The following ETHE1 variants were observed in gnomAD, a reference collection of about 807,000 sequenced individuals.
The protein encoded by ETHE1 is ETHE1 persulfide dioxygenase, also known as persulfide dioxygenase ETHE1, mitochondrial.
In ETHE1, 16 loss-of-function variants were observed where a neutral mutation model predicts 25.7. The ratio of observed to expected loss-of-function variants is 0.62; its 90% confidence interval spans 0.42 to 0.95. ETHE1 has a LOEUF of 0.95. Ranked by LOEUF, ETHE1 falls within the 40% of genes least tolerant of loss-of-function variation. The pLI, the probability that ETHE1 is intolerant of heterozygous loss-of-function variation, is 0.00. For missense variants in ETHE1, 300 were observed against 333.6 expected (o/e 0.90, Z 0.79); for synonymous variants, 139 against 135.9 (o/e 1.02, Z -0.16).
intron 3 of ETHE1, among the ~76,000 whole-genome samples, chr19:43,523,851 G>A (rs1055448753): frequency 1.3e-5 from 2 of 151,442 alleles, no homozygotes; most frequent in African/African-American, 2.4e-5. Context: ...CAGCAGAATC[G>A]CTTGCGCTCA....
intron 3 of ETHE1, among the ~76,000 whole-genome samples, chr19:43,517,945 G>A (rs1317017650): frequency 2.2e-5 from 3 of 136,990 alleles, no homozygotes; most frequent in African/African-American, 5.4e-5. Context: ...GCAACACTCC[G>A]TCTCAAAAAA....
chr19:43,525,925 C>T lies in ETHE1; in HGVS notation c.375+276G>A, dbSNP rs1972233937. ...AACTTTTATGGAGATGCATGCCAGG[C>T]CAAAGGGCTGCCCCTAAGCTTTAGG... is the stretch of plus-strand genomic sequence containing the variant. On this transcript the variant is annotated intron_variant, in intron 3 of 6. Coordinates refer to ENST00000292147, the MANE Select transcript of ETHE1 (RefSeq NM_014297.5). 7.6e-5 allele frequency: 40 copies of T among 523,974 alleles called. No homozygotes were observed. The South Asian group carries it at 8.3e-4, about 11-fold the overall frequency. The allele number at this position is 523,974 out of a possible 1,614,324, so 32.5% of individuals were successfully genotyped here.
At chr19:43,526,984 G>T in intron 1 of ETHE1, 113 bp downstream of exon 1, 2 of 1,532,024 alleles carry the variant, frequency 1.3e-6, no homozygotes, top group Non-Finnish European at 1.7e-6. Flanking sequence ...CCCGCTTTCC[G>T]CAAGATGCAG....
chr19:43,524,483 A>G (rs1195812040), intron 3 of ETHE1, among the ~76,000 whole-genome samples: 1 of 151,966 alleles, frequency 6.6e-6, no homozygotes, highest in African/African-American at 2.4e-5. Flanking sequence ...TTTTGGAGTA[A>G]TGGAAACATT....
At chr19:43,526,115 C>T (rs1256989791) in intron 3 of ETHE1, 86 bp downstream of exon 3, 1 of 1,598,572 alleles carries the variant, frequency 6.3e-7, no homozygotes, top group African/African-American at 1.3e-5. Flanking sequence ...CCCAAGGACT[C>T]AGGATCCCAG....
intron 3 of ETHE1, among the ~76,000 whole-genome samples, chr19:43,524,042 C>A (rs1200436877): frequency 1.3e-5 from 2 of 152,050 alleles, no homozygotes; most frequent in African/African-American, 4.8e-5. Flanking sequence ...TGGAGACCAG[C>A]CTGACCAATA....
At chr19:43,525,660 A>G in intron 3 of ETHE1, 1 of 173,136 alleles carries the variant, frequency 5.8e-6, no homozygotes, top group Non-Finnish European at 1.3e-5. Context: ...GACTAGGGTG[A>G]GGCTGTTGGT....
intron 3 of ETHE1, among the ~76,000 whole-genome samples, chr19:43,516,630 T>TC (rs1047700909): frequency 9.0e-5 from 13 of 144,292 alleles, no homozygotes; most frequent in African/African-American, 1.5e-4. Flanking sequence ...TTTCTTTTTT[T>TC]TTTTTTTTTT....
At chr19:43,520,148 A>C (rs1972112139) in intron 3 of ETHE1, among the ~76,000 whole-genome samples, 1 of 151,912 alleles carries the variant, frequency 6.6e-6, no homozygotes, top group South Asian at 2.1e-4. Flanking sequence ...CAGGAGTTCG[A>C]GACCAGCCTG....
rs138958351 is a variant in ETHE1 at position 43,526,557 on chromosome 19, C to T, written c.184G>A (p.Ala62Thr). Residue 62 changes from alanine to threonine, a missense_variant, in exon 2 of 7, where the codon GCC becomes ACC. Ala to Thr is a moderately conservative substitution (Grantham distance 58). Transcript: ENST00000292147. ...DPVLETAPRD[A>T]QLIKELGLRL... ...AGCCCCAGCTCCTTGATCAGCTGGG[C>T]ATCCCGAGGCGCTGTTTCCAGGACT... The T allele has an allele frequency of 2.3e-4, 378 of 1,613,898 alleles. No homozygotes were observed. The highest frequency in any genetic ancestry group is 7.0e-4 in the Admixed American group (42 of 59,960).
At chr19:43,521,807 G>A (rs1425435788) in intron 3 of ETHE1, among the ~76,000 whole-genome samples, 1 of 152,142 alleles carries the variant, frequency 6.6e-6, no homozygotes, top group Non-Finnish European at 1.5e-5. Flanking sequence ...TCGACTCAGT[G>A]ACCCAGAAAA....
chr19:43,522,908 T>C (rs974052055), intron 3 of ETHE1, among the ~76,000 whole-genome samples: 4 of 152,158 alleles, frequency 2.6e-5, no homozygotes, highest in Non-Finnish European at 4.4e-5. Flanking sequence ...CTACTACCTG[T>C]AAAAACTGAA....
chr19:43,514,696 G>A (rs1971986247), intron 3 of ETHE1, among the ~76,000 whole-genome samples: 1 of 151,886 alleles, frequency 6.6e-6, no homozygotes, highest in Non-Finnish European at 1.5e-5. Flanking sequence ...ATGTTGGTCA[G>A]GCTGGTCTCA....
At chr19:43,525,560 C>G (rs1384762714) in intron 3 of ETHE1, 1 of 153,470 alleles carries the variant, frequency 6.5e-6, no homozygotes, top group Non-Finnish European at 1.4e-5. Context: ...GGTTGCAATT[C>G]TGGCCGGAAA....
intron 3 of ETHE1, among the ~76,000 whole-genome samples, chr19:43,518,433 T>C (rs1767899104): frequency 6.6e-6 from 1 of 152,032 alleles, no homozygotes; most frequent in Admixed American, 6.6e-5. Flanking sequence ...CACAGCTGAA[T>C]ATTTAATAAT....
intron 3 of ETHE1, 136 bp from the exon 4 acceptor site, chr19:43,511,702 T>C (rs1971922091): frequency 2.1e-6 from 2 of 966,186 alleles, no homozygotes; most frequent in Admixed American, 2.8e-5. Context: ...CAGGCTGTAA[T>C]CTTATATTAT....
intron 3 of ETHE1, among the ~76,000 whole-genome samples, chr19:43,521,280 G>A (rs1972133841): frequency 6.6e-6 from 1 of 152,144 alleles, no homozygotes; most frequent in Non-Finnish European, 1.5e-5. Flanking sequence ...AGCCGAGACT[G>A]CGCCACTGCA....
chr19:43,507,917 C>T (rs1971826726), intron 6 of ETHE1, 27 bp downstream of exon 6: 1 of 1,610,576 alleles, frequency 6.2e-7, no homozygotes. Flanking sequence ...CTCTCAGACC[C>T]AGAAGTCCAG....
At chr19:43,509,246 TA>T (rs2145979944) in intron 4 of ETHE1, among the ~76,000 whole-genome samples, 1 of 151,932 alleles carries the variant, frequency 6.6e-6, no homozygotes, top group African/African-American at 2.4e-5. Flanking sequence ...CCTGTAATCC[TA>T]GCACTTTGGG....
Sources: allele counts gnomAD v4.1 joint callset (sites outside exome capture counted in the v4.1 genomes callset), GRCh38; gene constraint gnomAD v4.1.1; transcripts MANE v1.5; gene names NCBI Gene and HGNC (gene_info 2026-07-23, HGNC 2026-07-21).